The following DEPDC5 variants were observed in gnomAD, a reference collection of about 807,000 sequenced individuals.
DEPDC5 encodes the protein GATOR1 complex protein DEPDC5.
In DEPDC5, 73 loss-of-function variants were observed where a neutral mutation model predicts 217.3. The ratio of observed to expected loss-of-function variants is 0.34; its 90% confidence interval spans 0.28 to 0.41. The LOEUF is 0.41. Ranked by LOEUF, DEPDC5 falls within the 10% of genes least tolerant of loss-of-function variation. The pLI, the probability that DEPDC5 is intolerant of heterozygous loss-of-function variation, is 1.00. For synonymous variants in DEPDC5, 733 were observed against 756.7 expected (o/e 0.97, Z 0.51); for missense variants, 1,675 against 2,070.1 (o/e 0.81, Z 3.70).
At chr22:31,776,898 C>CA (rs903610456) in intron 7 of DEPDC5, among the ~76,000 whole-genome samples, 3 of 151,660 alleles carry the variant, frequency 2.0e-5, no homozygotes, top group African/African-American at 7.3e-5. Context: ...TTCTTGCCCT[C>CA]AAAAATGCAT....
At chr22:31,792,876 TTAAAAA>T in intron 12 of DEPDC5, 59 bp downstream of exon 12, 2 of 1,385,300 alleles carry the variant, frequency 1.4e-6, no homozygotes, top group African/African-American at 1.5e-5. Context: ...CTTTCCTAAC[TTAAAAA>T]TAAGTCAGCC....
chr22:31,804,078 C>T lies in DEPDC5; in HGVS notation c.1082-84C>T. On this transcript the variant is annotated intron_variant, in intron 15 of 42. Coordinates refer to ENST00000651528, the MANE Select transcript of DEPDC5 (RefSeq NM_001242896.3). ...TGGTAAGTTAGCTTTGCCTACTACC[C>T]ATTTAAATAACATGATTTATAGATA... 3.8e-6 allele frequency: 5 copies of T among 1,323,662 alleles called. No homozygotes were observed. In the South Asian group the frequency reaches 6.0e-5, roughly 16 times the overall value. The allele number at this position is 1,323,662 out of a possible 1,614,324, so 82.0% of individuals were successfully genotyped here. A position where few individuals can be genotyped will look rare whatever the true frequency, so the allele number is the denominator to read the frequency against.
intron 24 of DEPDC5, among the ~76,000 whole-genome samples, chr22:31,824,719 G>A (rs1214994189): frequency 6.6e-6 from 1 of 151,948 alleles, no homozygotes; most frequent in Non-Finnish European, 1.5e-5. Context: ...TGTAATCCCA[G>A]CACGTTGGGA....
intron 6 of DEPDC5, among the ~76,000 whole-genome samples, chr22:31,768,170 C>T (rs987399697): frequency 1.3e-5 from 2 of 149,598 alleles, no homozygotes; most frequent in African/African-American, 2.5e-5. Context: ...AATGGTGATT[C>T]GTGAGATTTT....
chr22:31,854,958 GT>G (rs200660036), intron 31 of DEPDC5, among the ~76,000 whole-genome samples: 4,676 of 140,130 alleles, frequency 0.033, 159 homozygotes, highest in African/African-American at 0.1. Flanking sequence ...AGTCTTGCTG[GT>G]TTTTTTTTTT....
intron 31 of DEPDC5, among the ~76,000 whole-genome samples, chr22:31,847,172 A>G (rs2091784990): frequency 6.6e-6 from 1 of 152,190 alleles, no homozygotes. Flanking sequence ...TTAGATTGGG[A>G]CTTAATTTTA....
chr22:31,767,244 G>A (rs963609617), intron 6 of DEPDC5, among the ~76,000 whole-genome samples: 2 of 151,730 alleles, frequency 1.3e-5, no homozygotes, highest in Non-Finnish European at 2.9e-5. Flanking sequence ...GGGTTCAAGC[G>A]ATTCTCCTGC....
chr22:31,825,488 G>T (rs969419356), intron 24 of DEPDC5, among the ~76,000 whole-genome samples: 1 of 152,046 alleles, frequency 6.6e-6, no homozygotes, highest in Non-Finnish European at 1.5e-5. Flanking sequence ...TCCACCTGAT[G>T]GACCTCTCTG....
At chr22:31,855,003 C>T (rs191182316) in intron 31 of DEPDC5, among the ~76,000 whole-genome samples, 5 of 143,930 alleles carry the variant, frequency 3.5e-5, no homozygotes, top group East Asian at 4.1e-4. Flanking sequence ...CTTGTTGTGT[C>T]GCCCAGGCTG....
intron 7 of DEPDC5, 186 bp from the exon 8 acceptor site, chr22:31,777,913 A>G (rs1350159377): frequency 3.4e-6 from 2 of 584,286 alleles, no homozygotes; most frequent in East Asian, 6.1e-5. Flanking sequence ...ATGCCCGGCT[A>G]AATTTTGGAT....
intron 12 of DEPDC5, 23 bp downstream of exon 12, chr22:31,792,840 AC>A: frequency 6.7e-7 from 1 of 1,481,660 alleles, no homozygotes; most frequent in Non-Finnish European, 8.9e-7. Context: ...GCTTTGCTAT[AC>A]TTTTTATTTA....
At position 31,907,030 on chromosome 22, in the gene DEPDC5, C is replaced by G; in HGVS notation, c.*533C>G. 6.3e-6 allele frequency: 1 copy of G among 159,062 alleles called. No homozygotes were observed. Among genetic ancestry groups the G allele is most frequent in the Admixed American group, 5.9e-5 (1 of 16,858 alleles). The allele number at this position is 159,062 out of a possible 1,614,324, so 9.9% of individuals were successfully genotyped here. ...CACGTGCATCATTTCTTTCCCCACC[C>G]AGTTCCCCACAGAAGCAGTCCCATC... On this transcript the variant is annotated 3_prime_UTR_variant, in exon 43 of 43. Coordinates refer to ENST00000651528, the MANE Select transcript of DEPDC5 (RefSeq NM_001242896.3).
In DEPDC5 at chr22:31,834,905, A is replaced by G. The variant is rs1275195016; in HGVS notation, c.2170+925A>G. 8.5e-5 allele frequency among the ~76,000 whole-genome samples: 13 copies of G among 152,224 alleles called. No homozygotes were observed. The East Asian group carries it at 2.5e-3, about 29-fold the overall frequency. On this transcript the variant is annotated intron_variant, in intron 25 of 42. Coordinates refer to ENST00000651528, the MANE Select transcript of DEPDC5 (RefSeq NM_001242896.3). ...GTCATTTGTAATGGCAACATTAAGC[A>G]TATTACTGTATCTTGGTTTGAGTAG...
At chr22:31,830,446 A>G (rs1233171195) in intron 24 of DEPDC5, among the ~76,000 whole-genome samples, 2 of 152,258 alleles carry the variant, frequency 1.3e-5, no homozygotes, top group Non-Finnish European at 2.9e-5. Flanking sequence ...TCATATGCCA[A>G]CAGCAAGTCT....
chr22:31,879,063 T>TACAC (rs1474843361), intron 37 of DEPDC5, among the ~76,000 whole-genome samples: 28 of 135,364 alleles, frequency 2.1e-4, no homozygotes, highest in Admixed American at 5.2e-4. Flanking sequence ...TATATATATA[T>TACAC]ATATACACAC....
intron 8 of DEPDC5, among the ~76,000 whole-genome samples, chr22:31,781,426 T>G (rs1439154943): frequency 6.7e-6 from 1 of 150,220 alleles, no homozygotes; most frequent in Non-Finnish European, 1.5e-5. Flanking sequence ...TGAGTTTATT[T>G]ATTTATTTAT....
intron 2 of DEPDC5, among the ~76,000 whole-genome samples, chr22:31,756,916 G>C (rs1448888118): frequency 6.6e-6 from 1 of 150,556 alleles, no homozygotes; most frequent in Non-Finnish European, 1.5e-5. Context: ...GCAAGACCCT[G>C]TCTTTAAAAA....
chr22:31,794,113 A>C lies in DEPDC5; in HGVS notation c.767+1296A>C, dbSNP rs1169800895. Among the ~76,000 whole-genome samples the C allele has an allele frequency of 2.0e-5, 3 of 152,326 alleles. No individual in the cohort carries two copies. In the East Asian group the frequency reaches 5.8e-4, roughly 29 times the overall value. ...GGTGGAGCATGGACCTGACACAGTCAATCTAGTTCAGAGTCGATGCTTTTT... is the reference window on the plus strand; with the variant it reads ...GGTGGAGCATGGACCTGACACAGTCCATCTAGTTCAGAGTCGATGCTTTTT... On this transcript the variant is annotated intron_variant, in intron 12 of 42. Coordinates refer to ENST00000651528, the MANE Select transcript of DEPDC5 (RefSeq NM_001242896.3).
rs2091763579 is a variant in DEPDC5 at position 31,846,814 on chromosome 22, TCTC to T, written c.3022-16_3022-14del. Reference sequence around the variant, plus strand: ...AGAGCCCACTTGGCTGATGGCCTTGTCTCCTCTTCTCTGCTTTAGAAAGGGACC... The same window carrying T: ...AGAGCCCACTTGGCTGATGGCCTTGTCTCTTCTCTGCTTTAGAAAGGGACC... On this transcript the variant is annotated splice_polypyrimidine_tract_variant and intron_variant, in intron 30 of 42. Transcript: ENST00000651528. 9 of 1,614,020 alleles carry T rather than the reference TCTC, an allele frequency of 5.6e-6. No homozygotes were observed. The highest frequency in any genetic ancestry group is 7.6e-6 in the Non-Finnish European group (9 of 1,180,008).
Sources: allele counts gnomAD v4.1 joint callset (sites outside exome capture counted in the v4.1 genomes callset), GRCh38; gene constraint gnomAD v4.1.1; transcripts MANE v1.5; gene names NCBI Gene and HGNC (gene_info 2026-07-23, HGNC 2026-07-21).